The following TBC1D22A variants were observed in gnomAD, a reference collection of about 807,000 sequenced individuals.
The protein encoded by TBC1D22A is putative GTPase activator.
TBC1D22A carries 38 observed loss-of-function variants against 60.2 expected under a neutral mutation model. That is an observed-to-expected ratio of 0.63 (90% CI 0.49 to 0.83). TBC1D22A has a LOEUF of 0.83. Ranked by LOEUF, TBC1D22A falls within the 40% of genes least tolerant of loss-of-function variation. The probability of loss-of-function intolerance (pLI) is 0.00; values close to 1 mark genes in which losing one functional copy is unlikely to be tolerated. For synonymous variants in TBC1D22A, 302 were observed against 281.7 expected (o/e 1.07, Z -0.72); for missense variants, 628 against 701.0 (o/e 0.90, Z 1.18).
At chr22:47,121,089 G>C (rs970290637) in intron 12 of TBC1D22A, among the ~76,000 whole-genome samples, 2 of 152,222 alleles carry the variant, frequency 1.3e-5, no homozygotes, top group Non-Finnish European at 2.9e-5. Context: ...AATGGATGAG[G>C]ACAATCGGAA....
At chr22:46,820,126 C>T (rs2085765286) in intron 4 of TBC1D22A, among the ~76,000 whole-genome samples, 1 of 152,086 alleles carries the variant, frequency 6.6e-6, no homozygotes, top group Non-Finnish European at 1.5e-5. Context: ...ATTCTTCTCT[C>T]CCTTTTTCTT....
intron 12 of TBC1D22A, among the ~76,000 whole-genome samples, chr22:47,171,923 A>T (rs2068475793): frequency 8.2e-6 from 1 of 121,562 alleles, no homozygotes; most frequent in Non-Finnish European, 2.0e-5. Flanking sequence ...CCCATCTGAG[A>T]CACGGCCCAG....
At chr22:47,109,519 C>G (rs971507765) in intron 11 of TBC1D22A, among the ~76,000 whole-genome samples, 1 of 152,186 alleles carries the variant, frequency 6.6e-6, no homozygotes, top group Non-Finnish European at 1.5e-5. Flanking sequence ...GTGTTTATTT[C>G]TGGCCCGAAT....
At chr22:46,902,022 C>T (rs747686454) in intron 7 of TBC1D22A, among the ~76,000 whole-genome samples, 5 of 152,250 alleles carry the variant, frequency 3.3e-5, no homozygotes, top group South Asian at 4.1e-4. Context: ...TGAGCTCCCT[C>T]GTGTGCACTG....
At chr22:46,844,234 G>A (rs1018462748) in intron 4 of TBC1D22A, among the ~76,000 whole-genome samples, 2 of 152,078 alleles carry the variant, frequency 1.3e-5, no homozygotes, top group Admixed American at 1.3e-4. Context: ...GTCTTGCCAT[G>A]CCACGGTGCC....
rs141858806 is a variant in TBC1D22A at position 46,901,309 on chromosome 22, G to A, written c.900+6463G>A. ...TTCTGACCATTGTACTGATTCTTCA[G>A]TTATGCCCGGATGTGGAATCCTCTC... On this transcript the variant is annotated intron_variant, in intron 7 of 12. Coordinates refer to ENST00000337137, the MANE Select transcript of TBC1D22A (RefSeq NM_014346.5). Among the ~76,000 whole-genome samples the A allele has an allele frequency of 2.0e-3, 305 of 152,334 alleles. 2 individuals are homozygous for A. The highest frequency in any genetic ancestry group is 5.6e-3 in the African/African-American group (234 of 41,566).
intron 11 of TBC1D22A, among the ~76,000 whole-genome samples, chr22:47,047,182 C>T (rs555230772): frequency 1.3e-5 from 2 of 152,270 alleles, no homozygotes; most frequent in African/African-American, 4.8e-5. Context: ...TCCCTGCTTG[C>T]ATGTAGCAAT....
intron 10 of TBC1D22A, among the ~76,000 whole-genome samples, chr22:47,027,985 G>A (rs12628078): frequency 0.24 from 36,051 of 152,060 alleles, 4,605 homozygotes; most frequent in East Asian, 0.29. Flanking sequence ...CCAGGGAAGC[G>A]GCTCCGTCAT....
chr22:47,054,981 G>T (rs115014313), intron 11 of TBC1D22A, among the ~76,000 whole-genome samples: 2,969 of 152,326 alleles, frequency 0.019, 99 homozygotes, highest in African/African-American at 0.064. Context: ...TCAGAGTCCT[G>T]ACCACCCCTG....
intron 1 of TBC1D22A, among the ~76,000 whole-genome samples, chr22:46,783,648 A>G (rs2084037666): frequency 2.0e-5 from 1 of 50,876 alleles, no homozygotes; most frequent in African/African-American, 5.9e-5. Flanking sequence ...TTTCGCATTT[A>G]AAAAATTTTT....
In TBC1D22A at chr22:47,049,153, T is replaced by C. The variant is rs535586187; in HGVS notation, c.1329+11955T>C. ...ACTCACAGCTCTGCCGGGTACACGT[T>C]GTGCTCTTCCTTTCCAGGCCCTACA... On this transcript the variant is annotated intron_variant, in intron 11 of 12. Coordinates refer to ENST00000337137, the MANE Select transcript of TBC1D22A (RefSeq NM_014346.5). 2.6e-5 allele frequency among the ~76,000 whole-genome samples: 4 copies of C among 152,322 alleles called. No individual in the cohort carries two copies. The East Asian group carries it at 7.7e-4, about 29-fold the overall frequency.
chr22:47,154,922 CCT>C (rs2067652296), intron 12 of TBC1D22A, among the ~76,000 whole-genome samples: 1 of 152,206 alleles, frequency 6.6e-6, no homozygotes, highest in African/African-American at 2.4e-5. Context: ...GAGGGTGCCT[CCT>C]CTAGAAGTGG....
chr22:46,904,165 A>ACCTACCTG (rs2069269661), intron 7 of TBC1D22A, among the ~76,000 whole-genome samples: 1 of 144,698 alleles, frequency 6.9e-6, no homozygotes, highest in Non-Finnish European at 1.5e-5. Context: ...CTACCTACCT[A>ACCTACCTG]CCTACCTACC....
chr22:46,904,898 C>T (rs2069346885), intron 7 of TBC1D22A, among the ~76,000 whole-genome samples: 1 of 151,968 alleles, frequency 6.6e-6, no homozygotes, highest in Non-Finnish European at 1.5e-5. Context: ...CCTCAGCCTC[C>T]TGTGTAGCTG....
intron 11 of TBC1D22A, among the ~76,000 whole-genome samples, chr22:47,047,393 G>A (rs921053849): frequency 3.9e-5 from 6 of 152,242 alleles, no homozygotes; most frequent in Non-Finnish European, 8.8e-5. Context: ...AAAGAGTTGA[G>A]TAGATCACCT....
chr22:47,010,473 G>GTAAT (rs2061721817), intron 10 of TBC1D22A, among the ~76,000 whole-genome samples: 2 of 152,226 alleles, frequency 1.3e-5, no homozygotes, highest in African/African-American at 4.8e-5. Flanking sequence ...GCGACCTAAG[G>GTAAT]TGTGTGTGGA....
intron 12 of TBC1D22A, among the ~76,000 whole-genome samples, chr22:47,112,136 C>T (rs948180391): frequency 3.3e-5 from 5 of 152,246 alleles, no homozygotes; most frequent in African/African-American, 1.2e-4. Flanking sequence ...TGCTAGGCTC[C>T]GTGCTTGACC....
At chr22:47,062,593 A>G (rs997324058) in intron 11 of TBC1D22A, among the ~76,000 whole-genome samples, 4 of 152,052 alleles carry the variant, frequency 2.6e-5, no homozygotes, top group Non-Finnish European at 5.9e-5. Flanking sequence ...AGTGACTTCT[A>G]TTCCTGTCAC....
At chr22:47,116,593 A>G (rs1448500527) in intron 12 of TBC1D22A, 1 of 151,608 alleles carries the variant, frequency 6.6e-6, no homozygotes, top group Non-Finnish European at 1.5e-5. Context: ...CTCTGGAAGC[A>G]TGCTCCGGGC....
Sources: gnomAD v4.1 joint callset for allele counts (sites outside exome capture counted in the v4.1 genomes callset) on GRCh38, gnomAD v4.1.1 for gene constraint, MANE v1.5 for transcripts, NCBI Gene and HGNC (gene_info 2026-07-23, HGNC 2026-07-21) for gene names.